Variants in TASP1 observed in about 807,000 individuals in gnomAD.
TASP1 encodes the protein threonine aspartase 1.
TASP1 carries 16 observed loss-of-function variants against 56.6 expected under a neutral mutation model. The ratio of observed to expected loss-of-function variants is 0.28; its 90% CI spans 0.19 to 0.43. The LOEUF (loss-of-function observed/expected upper bound fraction) is 0.43. Ranked by LOEUF, TASP1 falls within the 20% of genes least tolerant of loss-of-function variation. The pLI, the probability that TASP1 is intolerant of heterozygous loss-of-function variation, is 1.00. For synonymous variants in TASP1, 179 were observed against 184.2 expected (o/e 0.97, Z 0.23); for missense variants, 393 against 511.6 (o/e 0.77, Z 2.24).
chr20:13,208,723 A>C, the TASP1 span, among the ~76,000 whole-genome samples: 1 of 152,294 alleles, frequency 6.6e-6, no homozygotes, highest in East Asian at 1.9e-4. Context: ...TCTGCTGGTA[A>C]ATGAGACACC....
At chr20:13,140,350 T>C in the TASP1 span, among the ~76,000 whole-genome samples, 2 of 152,182 alleles carry the variant, frequency 1.3e-5, no homozygotes, top group South Asian at 2.1e-4. Flanking sequence ...TTTGGGACCA[T>C]AGACGAAAAG....
chr20:13,177,592 C>A, the TASP1 span, among the ~76,000 whole-genome samples: 1 of 152,066 alleles, frequency 6.6e-6, no homozygotes, highest in Non-Finnish European at 1.5e-5. Flanking sequence ...GAAAGGAGAA[C>A]CCAGATATTA....
chr20:13,469,596 A>G (rs1198830699), intron 11 of TASP1, among the ~76,000 whole-genome samples: 1 of 152,034 alleles, frequency 6.6e-6, no homozygotes, highest in Non-Finnish European at 1.5e-5. Context: ...TCCCACACAC[A>G]CTGACTCAGT....
At chr20:13,407,512 T>C (rs181017464) in intron 13 of TASP1, among the ~76,000 whole-genome samples, 2 of 152,360 alleles carry the variant, frequency 1.3e-5, no homozygotes, top group Admixed American at 6.5e-5. Flanking sequence ...CTTTTTTTGC[T>C]GTTATGAATA....
At chr20:13,232,857 C>T in the TASP1 span, among the ~76,000 whole-genome samples, 2 of 152,146 alleles carry the variant, frequency 1.3e-5, no homozygotes, top group East Asian at 1.9e-4. Flanking sequence ...TTATGAAATA[C>T]TGAAAGAAGG....
chr20:13,184,939 A>G, the TASP1 span, among the ~76,000 whole-genome samples: 1 of 152,158 alleles, frequency 6.6e-6, no homozygotes, highest in Non-Finnish European at 1.5e-5. Context: ...ACATAGGAAG[A>G]TCTATACATT....
the TASP1 span, among the ~76,000 whole-genome samples, chr20:13,210,093 AG>A: frequency 5.9e-5 from 9 of 152,328 alleles, no homozygotes; most frequent in African/African-American, 2.2e-4. Flanking sequence ...GGAATGATAC[AG>A]AATGTATTGT....
At chr20:13,529,478 T>G (rs185013423) in intron 9 of TASP1, among the ~76,000 whole-genome samples, 1 of 152,234 alleles carries the variant, frequency 6.6e-6, no homozygotes, top group East Asian at 1.9e-4. Flanking sequence ...TTGATAAGAA[T>G]GAGAAACTTG....
chr20:13,224,776 A>G, the TASP1 span, among the ~76,000 whole-genome samples: 15,419 of 151,388 alleles, frequency 0.1, 876 homozygotes, highest in Middle Eastern at 0.16. Flanking sequence ...AATAGTTAAG[A>G]TTTATTAAGT....
At chr20:13,376,288 T>C in the TASP1 span, among the ~76,000 whole-genome samples, 1 of 152,134 alleles carries the variant, frequency 6.6e-6, no homozygotes, top group Non-Finnish European at 1.5e-5. Context: ...CAGTTTTCTG[T>C]ATATGACCAG....
At chr20:13,469,167 T>C (rs983548653) in intron 11 of TASP1, among the ~76,000 whole-genome samples, 2 of 152,220 alleles carry the variant, frequency 1.3e-5, no homozygotes, top group African/African-American at 4.8e-5. Context: ...TATTATTTGC[T>C]TTCCAACCAA....
At chr20:13,270,726 C>A in the TASP1 span, 1 of 1,613,750 alleles carries the variant, frequency 6.2e-7, no homozygotes, top group South Asian at 1.1e-5. Flanking sequence ...TATCAATGGG[C>A]AGAATCCAAA....
At chr20:13,110,038 T>C in the TASP1 span, 18 of 1,303,460 alleles carry the variant, frequency 1.4e-5, no homozygotes, top group Admixed American at 4.6e-5. Flanking sequence ...ACATAAAACA[T>C]CTGGAAAAAG....
the TASP1 span, among the ~76,000 whole-genome samples, chr20:13,252,621 G>A: frequency 6.6e-6 from 1 of 152,118 alleles, no homozygotes; most frequent in East Asian, 1.9e-4. Context: ...TGGGTGTGGT[G>A]GCGTGCACCT....
At chr20:13,247,517 G>GGGGTGTGTGTGTGTGTGTGT in the TASP1 span, among the ~76,000 whole-genome samples, 1 of 139,806 alleles carries the variant, frequency 7.2e-6, no homozygotes, top group African/African-American at 2.7e-5. Context: ...CAAAGTGAGG[G>GGGGTGTGTGTGTGTGTGTGT]GTGTGTGTGT....
At chr20:13,457,597 T>C (rs2043892988) in intron 11 of TASP1, among the ~76,000 whole-genome samples, 1 of 152,118 alleles carries the variant, frequency 6.6e-6, no homozygotes, top group South Asian at 2.1e-4. Flanking sequence ...ATGCTTTTTT[T>C]CTTTTTAATT....
intron 11 of TASP1, among the ~76,000 whole-genome samples, chr20:13,450,305 G>T (rs898660792): frequency 3.9e-5 from 6 of 152,000 alleles, no homozygotes; most frequent in Non-Finnish European, 8.8e-5. Context: ...GACTGAGGTG[G>T]CTGTGACAAT....
At chr20:13,140,143 T>C in the TASP1 span, among the ~76,000 whole-genome samples, 1 of 152,154 alleles carries the variant, frequency 6.6e-6, no homozygotes, top group Non-Finnish European at 1.5e-5. Context: ...GAGGGGAGAA[T>C]GTATATTTTG....
the TASP1 span, among the ~76,000 whole-genome samples, chr20:13,380,634 C>T: frequency 6.6e-6 from 1 of 152,192 alleles, no homozygotes; most frequent in Non-Finnish European, 1.5e-5. Flanking sequence ...CTCTTCAGAG[C>T]TGGCAGGCAG....
Sources: gnomAD v4.1 joint callset for allele counts (sites outside exome capture counted in the v4.1 genomes callset) on GRCh38, gnomAD v4.1.1 for gene constraint, MANE v1.5 for transcripts, NCBI Gene and HGNC (gene_info 2026-07-23, HGNC 2026-07-21) for gene names.